The following GLP1R variants were observed in gnomAD, a reference collection of about 807,000 sequenced individuals.
The protein encoded by GLP1R is glucagon like peptide 1 receptor.
In GLP1R, 32 loss-of-function variants were observed where a neutral mutation model predicts 68.4. The ratio of observed to expected loss-of-function variants is 0.47; its 90% CI spans 0.35 to 0.63. The LOEUF (loss-of-function observed/expected upper bound fraction) is 0.63, where lower values mean the gene tolerates loss of function less well. GLP1R is among the 20% of genes least tolerant of loss of function. The pLI, the probability that GLP1R is intolerant of heterozygous loss-of-function variation, is 0.00. For synonymous variants in GLP1R, 263 were observed against 244.4 expected (o/e 1.08, Z -0.71); for missense variants, 502 against 594.9 (o/e 0.84, Z 1.62).
chr6:39,061,684 A>G (rs570590291), intron 3 of GLP1R, among the ~76,000 whole-genome samples: 2 of 152,282 alleles, frequency 1.3e-5, no homozygotes, highest in Admixed American at 1.3e-4. Context: ...TCAAAGGTCT[A>G]CTATGTACCG....
At chr6:39,077,914 C>T (rs188692018) in intron 7 of GLP1R, among the ~76,000 whole-genome samples, 1 of 152,282 alleles carries the variant, frequency 6.6e-6, no homozygotes, top group Non-Finnish European at 1.5e-5. Context: ...GCAACGTGGG[C>T]TGAAGCAAGA....
intron 5 of GLP1R, among the ~76,000 whole-genome samples, chr6:39,068,461 C>CT (rs2150829338): frequency 6.6e-6 from 1 of 152,326 alleles, no homozygotes; most frequent in African/African-American, 2.4e-5. Flanking sequence ...GGCCCCACAC[C>CT]TGTGCCTTAA....
chr6:39,065,861 C>T (rs199948600), intron 4 of GLP1R, 32 bp downstream of exon 4: 35 of 1,335,630 alleles, frequency 2.6e-5, no homozygotes, highest in Middle Eastern at 1.8e-4. Flanking sequence ...AGCCAGGGAG[C>T]GGGGAGCCAT....
chr6:39,060,129 C>T (rs1270379749), intron 3 of GLP1R, among the ~76,000 whole-genome samples: 1 of 152,208 alleles, frequency 6.6e-6, no homozygotes, highest in African/African-American at 2.4e-5. Flanking sequence ...TAATTGCTGC[C>T]TCTGGCCTGT....
chr6:39,060,620 A>G (rs978297579), intron 3 of GLP1R, among the ~76,000 whole-genome samples: 5 of 152,106 alleles, frequency 3.3e-5, no homozygotes, highest in African/African-American at 1.2e-4. Context: ...AGCAGGGGAG[A>G]ACACCCAGCC....
At chr6:39,072,748 G>A (rs762748543) in intron 5 of GLP1R, 114 bp from the exon 6 acceptor site, 48 of 853,694 alleles carry the variant, frequency 5.6e-5, no homozygotes, top group Middle Eastern at 2.6e-4. Context: ...GAAGACACAC[G>A]CACAGTCCCA....
In GLP1R at chr6:39,079,062, T is replaced by C; in HGVS notation, c.954+36T>C. 6.2e-7 allele frequency: 1 copy of C among 1,610,116 alleles called. No homozygotes were observed. Among genetic ancestry groups the C allele is most frequent in the Non-Finnish European group, 8.5e-7 (1 of 1,176,300 alleles). On this transcript the variant is annotated intron_variant, in intron 9 of 12. Coordinates refer to ENST00000373256, the MANE Select transcript of GLP1R (RefSeq NM_002062.5). This position sits in a 1 kb window ranked among gnomAD's most constrained non-coding sequence, Gnocchi z 4.5. ...GTGTCAGGGATGGGAGTGGCAGCTA[T>C]GATAGGGCTGGGCTGGTGCCCCCTG...
chr6:39,062,068 C>T (rs1396486761), intron 3 of GLP1R, among the ~76,000 whole-genome samples: 1 of 152,202 alleles, frequency 6.6e-6, no homozygotes, highest in Non-Finnish European at 1.5e-5. Context: ...CTAATGGATT[C>T]ATGAGCAGCT....
chr6:39,084,060 G>C (rs1769083618), intron 12 of GLP1R, among the ~76,000 whole-genome samples: 1 of 152,112 alleles, frequency 6.6e-6, no homozygotes, highest in Non-Finnish European at 1.5e-5. Context: ...TGAGAGGTAG[G>C]AGATGGACCA....
chr6:39,082,849 C>A (rs959589501), intron 12 of GLP1R, among the ~76,000 whole-genome samples: 2 of 151,800 alleles, frequency 1.3e-5, no homozygotes, highest in Non-Finnish European at 2.9e-5. Flanking sequence ...GTCATCTTGA[C>A]CCCCCCACGT....
intron 3 of GLP1R, 70 bp from the exon 4 acceptor site, chr6:39,065,641 G>A: frequency 1.1e-6 from 1 of 885,718 alleles, no homozygotes; most frequent in Non-Finnish European, 1.8e-6. Context: ...GGGGAGGAAG[G>A]GGAGCATCTA....
At chr6:39,050,310 T>A (rs1428880348) in intron 1 of GLP1R, among the ~76,000 whole-genome samples, 4 of 152,110 alleles carry the variant, frequency 2.6e-5, no homozygotes, top group Non-Finnish European at 5.9e-5. Flanking sequence ...CGGACTGGGT[T>A]GGGATAGGGG....
At chr6:39,057,336 G>A (rs1216517052) in intron 2 of GLP1R, 136 bp from the exon 3 acceptor site, 4 of 639,700 alleles carry the variant, frequency 6.3e-6, no homozygotes, top group East Asian at 5.5e-5. Context: ...TGGGGAAAGT[G>A]CTTGGCATAC....
At position 39,080,733 on chromosome 6, in the gene GLP1R, C is replaced by T. The variant is rs1339718390; in HGVS notation, c.1218C>T (p.Asn406=). 3.8e-6 allele frequency: 6 copies of T among 1,594,318 alleles called. No individual in the cohort carries two copies. Among genetic ancestry groups the T allele is most frequent in the Non-Finnish European group, 5.1e-6 (6 of 1,168,436 alleles). ...LMVAILYCFV[N]NEVQLEFRKS... ...TGGCCATATTATACTGCTTTGTCAA[C>T]AATGAGGTAAGCTCTGAGGAGGGAC... Residue 406 remains asparagine, a synonymous_variant, in exon 12 of 13, where the codon AAC becomes AAT. Coordinates refer to ENST00000373256, the MANE Select transcript of GLP1R (RefSeq NM_002062.5).
At position 39,088,474 on chromosome 6, in the gene GLP1R, C is replaced by T. The variant is rs557505750; in HGVS notation, c.*2401C>T. Among the ~76,000 whole-genome samples the T allele has an allele frequency of 3.3e-5, 5 of 152,290 alleles. No homozygotes were observed. The highest frequency in any genetic ancestry group is 6.5e-5 in the Admixed American group (1 of 15,294). ...ACGCCTGGAACTTGCTGAGAACTCT[C>T]GGCTGCCTCTGTCCTGGGGTACTAT... On this transcript the variant is annotated 3_prime_UTR_variant, in exon 13 of 13. Transcript: ENST00000373256.
At chr6:39,066,934 G>A (rs1768535644) in intron 5 of GLP1R, among the ~76,000 whole-genome samples, 1 of 152,144 alleles carries the variant, frequency 6.6e-6, no homozygotes, top group Non-Finnish European at 1.5e-5. Flanking sequence ...TACCTTCAAA[G>A]CACCTGGCAC....
At chr6:39,073,134 G>A (rs78879793) in intron 6 of GLP1R, 119 bp downstream of exon 6, 5 of 911,784 alleles carry the variant, frequency 5.5e-6, no homozygotes, top group Non-Finnish European at 8.3e-6. Flanking sequence ...CTGGCCCTTC[G>A]GGAGCCCCCA....
chr6:39,083,746 G>T (rs1769074027), intron 12 of GLP1R, among the ~76,000 whole-genome samples: 1 of 152,112 alleles, frequency 6.6e-6, no homozygotes. Flanking sequence ...GGTCAGGAGG[G>T]GTGTGCTGCA....
chr6:39,062,683 C>A (rs1768381444), intron 3 of GLP1R, among the ~76,000 whole-genome samples: 1 of 152,218 alleles, frequency 6.6e-6, no homozygotes, highest in African/African-American at 2.4e-5. Flanking sequence ...ATGGCACATG[C>A]CACATTCTTT....
Sources: gnomAD v4.1 joint callset for allele counts (sites outside exome capture counted in the v4.1 genomes callset) on GRCh38, gnomAD v4.1.1 for gene constraint, Gnocchi (gnomAD v3.1) non-coding constraint, MANE v1.5 for transcripts, NCBI Gene and HGNC (gene_info 2026-07-23, HGNC 2026-07-21) for gene names.